GRIN2A: variants seen among roughly 807,000 people sequenced by gnomAD.
The protein encoded by GRIN2A is glutamate receptor ionotropic, NMDA 2A.
In GRIN2A, 22 loss-of-function variants were observed where a neutral mutation model predicts 113.4. The observed-to-expected ratio is 0.19, with a 90% confidence interval of 0.14 to 0.28. The LOEUF (loss-of-function observed/expected upper bound fraction) is 0.28, where lower values mean the gene tolerates loss of function less well. Ranked by LOEUF, GRIN2A falls within the 10% of genes least tolerant of loss-of-function variation. The pLI is 1.00. For synonymous variants in GRIN2A, 827 were observed against 738.4 expected (o/e 1.12, Z -1.94); for missense variants, 1,502 against 1,887.0 (o/e 0.80, Z 3.78).
chr16:10,110,866 C>T (rs932397029), intron 2 of GRIN2A, among the ~76,000 whole-genome samples: 2 of 152,110 alleles, frequency 1.3e-5, no homozygotes, highest in South Asian at 2.1e-4. Flanking sequence ...GTCAGAGGGC[C>T]GCCCTCTGAA....
intron 2 of GRIN2A, among the ~76,000 whole-genome samples, chr16:10,160,952 TCAAA>T (rs2049797990): frequency 6.6e-6 from 1 of 152,314 alleles, no homozygotes; most frequent in Non-Finnish European, 1.5e-5. Flanking sequence ...CCCAGGGTTC[TCAAA>T]CAGAGGCACA....
intron 2 of GRIN2A, among the ~76,000 whole-genome samples, chr16:9,957,432 T>C (rs2045333417): frequency 6.6e-6 from 1 of 152,228 alleles, no homozygotes; most frequent in African/African-American, 2.4e-5. Flanking sequence ...CTTCAGTATT[T>C]GGGTCCTGAT....
intron 2 of GRIN2A, among the ~76,000 whole-genome samples, chr16:10,130,975 C>T (rs980199994): frequency 2.6e-5 from 4 of 152,148 alleles, no homozygotes; most frequent in Admixed American, 2.6e-4. Context: ...AATATAAAAA[C>T]CAGTGCCCTC....
chr16:9,844,059 T>G (rs28513160), intron 5 of GRIN2A, among the ~76,000 whole-genome samples: 2,814 of 152,300 alleles, frequency 0.018, 92 homozygotes, highest in African/African-American at 0.064. Context: ...TTGTATCACC[T>G]TCATTCTATG....
Position 9,891,919 on chromosome 16 carries a change from T to A in GRIN2A, c.1008-819A>T, listed in dbSNP as rs1162633741. Among the ~76,000 whole-genome samples the A allele has an allele frequency of 3.3e-5, 5 of 152,116 alleles. No individual in the cohort carries two copies. The East Asian group carries it at 9.6e-4, about 29-fold the overall frequency. On this transcript the variant is annotated intron_variant, in intron 3 of 12. Transcript: ENST00000330684. ...AAGTGCAGGATTTTAGAGACCATGT[T>A]AAATGTCTGTCTTAAAACCGTGGGA...
intron 4 of GRIN2A, among the ~76,000 whole-genome samples, chr16:9,859,965 C>T (rs1248985910): frequency 1.3e-5 from 2 of 151,564 alleles, no homozygotes; most frequent in Non-Finnish European, 2.9e-5. Flanking sequence ...CCTGGGGCTA[C>T]GGTGGTGAAC....
At chr16:9,770,680 TTCTTC>T (rs1901215831) in intron 11 of GRIN2A, among the ~76,000 whole-genome samples, 2 of 152,336 alleles carry the variant, frequency 1.3e-5, no homozygotes, top group South Asian at 4.1e-4. Flanking sequence ...CTTAGTACGA[TTCTTC>T]AATCTGAATA....
intron 2 of GRIN2A, among the ~76,000 whole-genome samples, chr16:9,961,867 A>G (rs2045449839): frequency 6.6e-6 from 1 of 152,186 alleles, no homozygotes; most frequent in Non-Finnish European, 1.5e-5. Context: ...ACGCTACCTG[A>G]CTTCAAACTA....
intron 5 of GRIN2A, among the ~76,000 whole-genome samples, chr16:9,844,816 A>G (rs2042743419): frequency 1.3e-5 from 2 of 152,154 alleles, no homozygotes. Flanking sequence ...ATTTCTCGCT[A>G]CACATCAGGC....
At chr16:9,937,679 C>T (rs1019726347) in intron 3 of GRIN2A, 3 of 470,984 alleles carry the variant, frequency 6.4e-6, no homozygotes, top group African/African-American at 5.9e-5. Flanking sequence ...GAGATACAGC[C>T]ATAGACAGAC....
At chr16:9,930,898 A>G (rs1162845558) in intron 3 of GRIN2A, among the ~76,000 whole-genome samples, 1 of 152,202 alleles carries the variant, frequency 6.6e-6, no homozygotes, top group Non-Finnish European at 1.5e-5. Context: ...TCTTTCTCAC[A>G]TATATATCTT....
intron 2 of GRIN2A, chr16:10,112,547 G>T: frequency 1.3e-6 from 1 of 786,814 alleles, no homozygotes; most frequent in Admixed American, 1.7e-5. Context: ...CTCCCTGCTG[G>T]CCACCACCAC....
chr16:9,865,911 G>C (rs1232245475), intron 4 of GRIN2A, among the ~76,000 whole-genome samples: 1 of 152,202 alleles, frequency 6.6e-6, no homozygotes, highest in Non-Finnish European at 1.5e-5. Flanking sequence ...TTGAATGTGA[G>C]TGTCCCTAAA....
At chr16:10,170,613 T>C (rs1037930691) in intron 2 of GRIN2A, among the ~76,000 whole-genome samples, 25 of 152,156 alleles carry the variant, frequency 1.6e-4, no homozygotes, top group Admixed American at 4.6e-4. Context: ...CGGTGGCTTA[T>C]GCCTGTAATA....
intron 11 of GRIN2A, among the ~76,000 whole-genome samples, chr16:9,772,656 G>A (rs971638097): frequency 2.0e-5 from 3 of 152,058 alleles, no homozygotes; most frequent in African/African-American, 2.4e-5. Context: ...GATTACAGGC[G>A]TGAGCCACCG....
chr16:10,023,573 T>C (rs532954958), intron 2 of GRIN2A, among the ~76,000 whole-genome samples: 1 of 152,216 alleles, frequency 6.6e-6, no homozygotes, highest in South Asian at 2.1e-4. Flanking sequence ...AAGTCCTCAT[T>C]AACTGGTGAT....
intron 2 of GRIN2A, among the ~76,000 whole-genome samples, chr16:10,036,449 C>CTTTTTTTTTTTTTTTTTTTTTT (rs369821921): frequency 6.5e-5 from 3 of 45,986 alleles, no homozygotes; most frequent in Non-Finnish European, 1.1e-4. Flanking sequence ...TTTTTTTTTT[C>CTTTTTTTTTTTTTTTTTTTTTT]TTTTTTTTTT....
At chr16:9,819,921 C>CAAAA (rs71157787) in intron 10 of GRIN2A, among the ~76,000 whole-genome samples, 3 of 63,652 alleles carry the variant, frequency 4.7e-5, no homozygotes, top group Admixed American at 2.2e-4. Flanking sequence ...AACTCCGTCT[C>CAAAA]AAAAAAAAAA....
At chr16:9,903,314 T>C (rs7192805) in intron 3 of GRIN2A, among the ~76,000 whole-genome samples, 40,874 of 151,692 alleles carry the variant, frequency 0.27, 6,088 homozygotes, top group African/African-American at 0.4. Flanking sequence ...CACTTAGCAA[T>C]ACATTGCCTC....
Sources: gnomAD v4.1 joint callset for allele counts (sites outside exome capture counted in the v4.1 genomes callset) on GRCh38, gnomAD v4.1.1 for gene constraint, MANE v1.5 for transcripts, NCBI Gene and HGNC (gene_info 2026-07-23, HGNC 2026-07-21) for gene names.